The following CFH variants were observed in gnomAD, a reference collection of about 807,000 sequenced individuals.
The protein encoded by CFH is H factor 1 (complement).
In CFH, 53 loss-of-function variants were observed where a neutral mutation model predicts 147.3. The observed-to-expected ratio is 0.36, with a 90% CI of 0.29 to 0.45. The LOEUF (loss-of-function observed/expected upper bound fraction) is 0.45, where lower values mean the gene tolerates loss of function less well. CFH is among the 20% of genes least tolerant of loss of function. The probability of loss-of-function intolerance (pLI) is 1.00; values close to 1 mark genes in which losing one functional copy is unlikely to be tolerated. For missense variants in CFH, 1,380 were observed against 1,498.0 expected (o/e 0.92, Z 1.30); for synonymous variants, 536 against 489.4 (o/e 1.10, Z -1.26).
chr1:196,698,522 A>G (rs1443552257), intron 9 of CFH, among the ~76,000 whole-genome samples: 4 of 152,168 alleles, frequency 2.6e-5, no homozygotes, highest in Non-Finnish European at 2.9e-5. Flanking sequence ...ACTAAAGCAG[A>G]AGAAAGAAGT....
intron 1 of CFH, among the ~76,000 whole-genome samples, chr1:196,664,261 A>G (rs1667003708): frequency 6.6e-6 from 1 of 151,988 alleles, no homozygotes; most frequent in African/African-American, 2.4e-5. Context: ...GGATCTTGCT[A>G]TATTGCCCAG....
At chr1:196,663,985 G>A (rs1666990219) in intron 1 of CFH, among the ~76,000 whole-genome samples, 1 of 152,102 alleles carries the variant, frequency 6.6e-6, no homozygotes, top group Non-Finnish European at 1.5e-5. Flanking sequence ...GATATGTTAT[G>A]GTAATTCTTT....
At chr1:196,691,356 T>C (rs1445711333) in intron 9 of CFH, among the ~76,000 whole-genome samples, 1 of 152,144 alleles carries the variant, frequency 6.6e-6, no homozygotes, top group Non-Finnish European at 1.5e-5. Context: ...TATTCTACTC[T>C]AGAAGGTTTC....
intron 9 of CFH, among the ~76,000 whole-genome samples, chr1:196,712,913 A>T (rs1668758821): frequency 6.6e-6 from 1 of 151,526 alleles, no homozygotes; most frequent in African/African-American, 2.4e-5. Context: ...GATGATTTCC[A>T]ATTTCATCCA....
intron 1 of CFH, among the ~76,000 whole-genome samples, chr1:196,656,539 T>C (rs1666697593): frequency 6.6e-6 from 1 of 152,132 alleles, no homozygotes. Context: ...CTACGCTTTT[T>C]CCACAGGCTG....
chr1:196,702,442 C>T (rs1400325565), intron 9 of CFH, among the ~76,000 whole-genome samples: 1 of 151,604 alleles, frequency 6.6e-6, no homozygotes, highest in African/African-American at 2.4e-5. Context: ...ATTCTCTGTT[C>T]TCCACTTCCA....
intron 5 of CFH, chr1:196,677,925 C>T: frequency 2.3e-6 from 1 of 439,506 alleles, no homozygotes; most frequent in Non-Finnish European, 4.2e-6. Flanking sequence ...ATCACATGCC[C>T]TGGATTATCA....
intron 9 of CFH, among the ~76,000 whole-genome samples, chr1:196,692,082 A>G (rs558260825): frequency 1.6e-3 from 251 of 152,146 alleles, no homozygotes; most frequent in Non-Finnish European, 2.8e-3. Flanking sequence ...CTGCACTATT[A>G]GTAAACAATT....
At chr1:196,674,939 G>T (rs1667405297) in intron 3 of CFH, among the ~76,000 whole-genome samples, 1 of 152,142 alleles carries the variant, frequency 6.6e-6, no homozygotes, top group Admixed American at 6.6e-5. Flanking sequence ...TACCAAATAA[G>T]TATAATTTCT....
chr1:196,678,792 G>A (rs1383363717), intron 5 of CFH: 2 of 152,024 alleles, frequency 1.3e-5, no homozygotes, highest in Non-Finnish European at 2.9e-5. Context: ...AGGCTTTAAG[G>A]AGCATGAAGC....
intron 9 of CFH, among the ~76,000 whole-genome samples, chr1:196,691,759 A>G (rs972183622): frequency 1.3e-5 from 2 of 151,870 alleles, no homozygotes; most frequent in Admixed American, 6.6e-5. Flanking sequence ...TCATTCTACT[A>G]CATAATAGTC....
intron 1 of CFH, among the ~76,000 whole-genome samples, chr1:196,667,985 GCTA>G (rs1304465390): frequency 6.6e-6 from 1 of 152,000 alleles, no homozygotes; most frequent in Non-Finnish European, 1.5e-5. Flanking sequence ...TGACACTTTT[GCTA>G]CTATTGTTTC....
At chr1:196,677,424 C>A in intron 4 of CFH, 52 bp from the exon 5 acceptor site, 1 of 1,527,858 alleles carries the variant, frequency 6.5e-7, no homozygotes, top group Admixed American at 1.7e-5. Flanking sequence ...ACATATTTTT[C>A]ACAATAAACT....
At chr1:196,667,403 T>A (rs928804952) in intron 1 of CFH, among the ~76,000 whole-genome samples, 6 of 152,226 alleles carry the variant, frequency 3.9e-5, no homozygotes, top group Non-Finnish European at 7.3e-5. Context: ...AATTATTACA[T>A]CTTTCTGTTA....
intron 11 of CFH, among the ~76,000 whole-genome samples, chr1:196,723,426 C>G (rs1669050992): frequency 6.6e-6 from 1 of 152,108 alleles, no homozygotes; most frequent in Admixed American, 6.6e-5. Flanking sequence ...GGCTTACTGC[C>G]TCCTGAAGGG....
At chr1:196,713,319 TC>T (rs1199557032) in intron 9 of CFH, among the ~76,000 whole-genome samples, 2 of 152,166 alleles carry the variant, frequency 1.3e-5, no homozygotes, top group Non-Finnish European at 2.9e-5. Context: ...TGGCAGATTT[TC>T]TAAGATCATC....
rs369213054 is a variant in CFH, at chr1:196,677,873, A to G, written c.619+206A>G. On this transcript the variant is annotated intron_variant, in intron 5 of 21. Transcript: ENST00000367429. The stretch of plus-strand genomic sequence containing the variant: ...AAACTCCATGATTTACTTACTCATC[A>G]CTTTCATTTTATAATGGAAGAGACT... 11 of 544,934 alleles carry G rather than the reference A, an allele frequency of 2.0e-5. No individual in the cohort carries two copies. In the East Asian group the frequency reaches 3.3e-4, roughly 16 times the overall value. 33.8% of individuals were successfully genotyped at this position (544,934 alleles called of 1,614,324 possible).
At chr1:196,691,490 A>G (rs1668022674) in intron 9 of CFH, among the ~76,000 whole-genome samples, 1 of 151,970 alleles carries the variant, frequency 6.6e-6, no homozygotes, top group African/African-American at 2.4e-5. Context: ...ATAACATTAT[A>G]GTGTAAATTT....
intron 1 of CFH, among the ~76,000 whole-genome samples, chr1:196,667,932 A>T (rs1304043892): frequency 1.3e-5 from 2 of 152,172 alleles, no homozygotes; most frequent in Non-Finnish European, 2.9e-5. Flanking sequence ...CATCAAGACT[A>T]TGGGGAAAAC....
Sources: allele counts gnomAD v4.1 joint callset (sites outside exome capture counted in the v4.1 genomes callset), GRCh38; gene constraint gnomAD v4.1.1; transcripts MANE v1.5; gene names NCBI Gene and HGNC (gene_info 2026-07-23, HGNC 2026-07-21).